The following AKAP19 variants were observed in gnomAD, a reference collection of about 807,000 sequenced individuals.
The protein encoded by AKAP19 is small A-kinase anchoring protein.
chr2:190,177,382 C>G, the AKAP19 span, among the ~76,000 whole-genome samples: 1 of 152,238 alleles, frequency 6.6e-6, no homozygotes, highest in African/African-American at 2.4e-5. The surrounding 1 kb of genome is among the most constrained non-coding windows in gnomAD (Gnocchi z 4.6). Context: ...TGCCATCCCC[C>G]TCTCCAGTCC....
the AKAP19 span, among the ~76,000 whole-genome samples, chr2:190,193,972 TG>T: frequency 3.7e-4 from 57 of 152,336 alleles, no homozygotes; most frequent in South Asian, 1.0e-3. Context: ...TTCAAAATTT[TG>T]ATGTTTTGGC....
the AKAP19 span, among the ~76,000 whole-genome samples, chr2:189,881,864 G>A: frequency 6.6e-6 from 1 of 152,146 alleles, no homozygotes; most frequent in African/African-American, 2.4e-5. Flanking sequence ...TTTTTCTCCA[G>A]TTTCCCATTT....
the AKAP19 span, among the ~76,000 whole-genome samples, chr2:190,034,341 A>AT: frequency 2.6e-5 from 4 of 151,568 alleles, no homozygotes; most frequent in African/African-American, 9.7e-5. Context: ...CCTGACCATA[A>AT]TTTTTTTAAT....
the AKAP19 span, among the ~76,000 whole-genome samples, chr2:189,907,520 A>G: frequency 6.6e-6 from 1 of 152,052 alleles, no homozygotes; most frequent in African/African-American, 2.4e-5. Context: ...TATATAATCT[A>G]CGTTATTTTA....
At chr2:190,009,113 G>C in the AKAP19 span, among the ~76,000 whole-genome samples, 2 of 152,132 alleles carry the variant, frequency 1.3e-5, no homozygotes, top group Non-Finnish European at 2.9e-5. Flanking sequence ...CACTGTGGGT[G>C]GAATAAATTC....
chr2:190,082,123 G>A, the AKAP19 span, among the ~76,000 whole-genome samples: 2 of 152,168 alleles, frequency 1.3e-5, no homozygotes, highest in Admixed American at 1.3e-4. Flanking sequence ...ACCTTTTGAT[G>A]CCAGAGGGCT....
the AKAP19 span, among the ~76,000 whole-genome samples, chr2:190,191,214 T>A: frequency 2.6e-5 from 4 of 152,176 alleles, no homozygotes; most frequent in Non-Finnish European, 4.4e-5. Context: ...CTCAGCTCAC[T>A]GCAACCTCTG....
At chr2:190,112,551 G>A in the AKAP19 span, among the ~76,000 whole-genome samples, 1 of 152,086 alleles carries the variant, frequency 6.6e-6, no homozygotes. Flanking sequence ...AACTATCAAA[G>A]TAAGGGAATT....
At chr2:189,975,848 A>G in the AKAP19 span, among the ~76,000 whole-genome samples, 1 of 151,952 alleles carries the variant, frequency 6.6e-6, no homozygotes, top group African/African-American at 2.4e-5. Flanking sequence ...TCATTTAAGG[A>G]CTTCTGTACA....
At chr2:190,046,584 C>G in the AKAP19 span, among the ~76,000 whole-genome samples, 4 of 152,134 alleles carry the variant, frequency 2.6e-5, no homozygotes, top group Non-Finnish European at 5.9e-5. Flanking sequence ...GACATCTTTC[C>G]ATTCTAGAAG....
chr2:190,108,667 C>A, the AKAP19 span, among the ~76,000 whole-genome samples: 1 of 151,888 alleles, frequency 6.6e-6, no homozygotes, highest in Non-Finnish European at 1.5e-5. Context: ...GATATGAAAT[C>A]CATAATAAAT....
the AKAP19 span, among the ~76,000 whole-genome samples, chr2:189,907,054 A>C: frequency 6.6e-6 from 1 of 152,048 alleles, no homozygotes; most frequent in Non-Finnish European, 1.5e-5. Flanking sequence ...TTCCTAATTG[A>C]CCCCTTAATT....
chr2:190,137,825 G>T, the AKAP19 span: 1 of 152,354 alleles, frequency 6.6e-6, no homozygotes, highest in Non-Finnish European at 1.5e-5. Context: ...TATCTGTTTT[G>T]GATTATTTGG....
At chr2:190,089,300 C>T in the AKAP19 span, among the ~76,000 whole-genome samples, 2 of 151,750 alleles carry the variant, frequency 1.3e-5, no homozygotes, top group South Asian at 4.2e-4. Context: ...TCATTTACTT[C>T]CTTTGACTCT....
At chr2:190,137,227 A>G in the AKAP19 span, among the ~76,000 whole-genome samples, 8 of 152,234 alleles carry the variant, frequency 5.3e-5, no homozygotes, top group Admixed American at 5.2e-4. Flanking sequence ...TTTGATAAGC[A>G]GTAAGAAAAT....
At chr2:190,019,998 A>T in the AKAP19 span, among the ~76,000 whole-genome samples, 3 of 152,176 alleles carry the variant, frequency 2.0e-5, no homozygotes, top group African/African-American at 7.2e-5. Context: ...CTATTCTGCT[A>T]TCTTGCTTAC....
the AKAP19 span, among the ~76,000 whole-genome samples, chr2:189,986,014 A>G: frequency 6.6e-6 from 1 of 152,368 alleles, no homozygotes; most frequent in African/African-American, 2.4e-5. Context: ...AAAATTAAAA[A>G]GCAATTTACA....
chr2:189,942,220 G>C, the AKAP19 span, among the ~76,000 whole-genome samples: 1 of 152,106 alleles, frequency 6.6e-6, no homozygotes, highest in Non-Finnish European at 1.5e-5. Context: ...TTTCATGCTA[G>C]TGAGTTCTTA....
At chr2:189,923,323 A>C in the AKAP19 span, 1 of 1,608,866 alleles carries the variant, frequency 6.2e-7, no homozygotes, top group South Asian at 1.1e-5. Flanking sequence ...GAGAAACCTT[A>C]CCATCAAACA....
Sources: gnomAD v4.1 joint callset for allele counts (sites outside exome capture counted in the v4.1 genomes callset) on GRCh38, gnomAD v4.1.1 for gene constraint, Gnocchi (gnomAD v3.1) non-coding constraint, MANE v1.5 for transcripts, NCBI Gene and HGNC (gene_info 2026-07-23, HGNC 2026-07-21) for gene names.